ZCWPW2: variants seen among roughly 807,000 people sequenced by gnomAD.
The protein encoded by ZCWPW2 is zinc finger CW-type and PWWP domain containing 2, also known as zinc finger CW-type PWWP domain protein 2.
ZCWPW2 carries 45 observed loss-of-function variants against 46.6 expected under a neutral mutation model. The ratio of observed to expected loss-of-function variants is 0.96; its 90% CI spans 0.76 to 1.24. The LOEUF is 1.24. Among genes scored for constraint, ZCWPW2 ranks in the 50% most tolerant of loss-of-function variants. The pLI is 0.00. For missense variants in ZCWPW2, 429 were observed against 403.9 expected, an observed-to-expected ratio of 1.06 and a Z score of -0.53; for synonymous variants, 152 against 137.1, an observed-to-expected ratio of 1.11 and a Z score of -0.76.
At chr3:28,474,820 T>C in intron 4 of ZCWPW2, among the ~76,000 whole-genome samples, 1 of 151,028 alleles carries the variant, frequency 6.6e-6, no homozygotes, top group African/African-American at 2.4e-5. Flanking sequence ...GTTGTTGTTG[T>C]TGTTGTTGTT....
chr3:28,393,790 A>G (rs1312302177), intron 2 of ZCWPW2, among the ~76,000 whole-genome samples: 1 of 152,154 alleles, frequency 6.6e-6, no homozygotes, highest in Non-Finnish European at 1.5e-5. Flanking sequence ...ATGCACTTCA[A>G]CATCACAAAG....
At chr3:28,504,270 T>A (rs963770817) in intron 6 of ZCWPW2, among the ~76,000 whole-genome samples, 1 of 152,160 alleles carries the variant, frequency 6.6e-6, no homozygotes, top group African/African-American at 2.4e-5. Context: ...GAAATATTTA[T>A]ATTAGAGATA....
Position 28,381,024 on chromosome 3 carries a change from GGTATATATATATATATATATTTGGTGTA to G in ZCWPW2, c.-133-9473_-133-9446del, listed in dbSNP as rs1695072072. Among the ~76,000 whole-genome samples the G allele has an allele frequency of 1.5e-3, 4 of 2,630 alleles. 1 individual carries two copies. Among genetic ancestry groups the G allele is most frequent in the African/African-American group, 6.6e-3 (4 of 610 alleles). 1.7% of individuals were successfully genotyped at this position (2,630 alleles called of 152,430 possible). On this transcript the variant is annotated intron_variant, in intron 1 of 9. Coordinates refer to ENST00000383768, the MANE Select transcript of ZCWPW2 (RefSeq NM_001040432.4). ...GGTATATATATATATATATATATTT[GGTATATATATATATATATATTTGGTGTA>G]TATATATATATATATATATATATAT...
At chr3:28,510,507 G>A (rs1039077266) in intron 6 of ZCWPW2, among the ~76,000 whole-genome samples, 10 of 152,024 alleles carry the variant, frequency 6.6e-5, no homozygotes, top group African/African-American at 1.9e-4. Flanking sequence ...ATAATGTTGA[G>A]CACTTAATTT....
intron 6 of ZCWPW2, 66 bp downstream of exon 6, chr3:28,492,239 G>C: frequency 7.4e-7 from 1 of 1,347,092 alleles, no homozygotes; most frequent in South Asian, 1.5e-5. Context: ...ATTCTTTAAA[G>C]AAAATTATAT....
chr3:28,366,494 C>G (rs1291546074), intron 1 of ZCWPW2, among the ~76,000 whole-genome samples: 1 of 125,718 alleles, frequency 8.0e-6, no homozygotes, highest in East Asian at 2.3e-4. Flanking sequence ...GGATGAAGCC[C>G]ACTTGATCAT....
chr3:28,494,605 G>A (rs1483606378), intron 6 of ZCWPW2, among the ~76,000 whole-genome samples: 2 of 150,000 alleles, frequency 1.3e-5, no homozygotes, highest in South Asian at 2.1e-4. Context: ...AGGAAATAAA[G>A]GGTATTCAAT....
At chr3:28,519,373 A>G (rs760294021) in intron 8 of ZCWPW2, among the ~76,000 whole-genome samples, 27 of 152,294 alleles carry the variant, frequency 1.8e-4, no homozygotes, top group Non-Finnish European at 3.1e-4. Flanking sequence ...TTGTTGATTG[A>G]GTATGAAAGT....
chr3:28,470,947 T>C (rs1699020440), intron 4 of ZCWPW2, among the ~76,000 whole-genome samples: 1 of 151,964 alleles, frequency 6.6e-6, no homozygotes, highest in Admixed American at 6.6e-5. Context: ...CTACAGAAAT[T>C]CAAAGGCTCA....
chr3:28,491,748 G>A (rs190464893), intron 5 of ZCWPW2, among the ~76,000 whole-genome samples: 4 of 152,092 alleles, frequency 2.6e-5, no homozygotes, highest in African/African-American at 9.6e-5. Flanking sequence ...CCCATGTCCA[G>A]CATATAATAG....
chr3:28,509,174 C>A (rs1349366175), intron 6 of ZCWPW2, among the ~76,000 whole-genome samples: 2 of 152,150 alleles, frequency 1.3e-5, no homozygotes, highest in East Asian at 3.8e-4. Context: ...AGTACTTCAT[C>A]ATTTTTAATG....
intron 2 of ZCWPW2, among the ~76,000 whole-genome samples, chr3:28,400,326 C>T (rs937052311): frequency 6.6e-6 from 1 of 152,032 alleles, no homozygotes; most frequent in African/African-American, 2.4e-5. Flanking sequence ...ATTGGTGTTC[C>T]TAAGGAAGAA....
At chr3:28,395,463 T>G (rs1695657605) in intron 2 of ZCWPW2, among the ~76,000 whole-genome samples, 1 of 152,186 alleles carries the variant, frequency 6.6e-6, no homozygotes. Flanking sequence ...CAATCCCATG[T>G]TAACTGCGGT....
intron 2 of ZCWPW2, among the ~76,000 whole-genome samples, chr3:28,398,743 C>T (rs1424164962): frequency 1.3e-5 from 2 of 152,064 alleles, no homozygotes; most frequent in African/African-American, 2.4e-5. Context: ...TTTATAGAGC[C>T]GAGTGAAATA....
intron 1 of ZCWPW2, among the ~76,000 whole-genome samples, chr3:28,356,014 T>C (rs1704716955): frequency 6.6e-6 from 1 of 152,098 alleles, no homozygotes; most frequent in South Asian, 2.1e-4. Flanking sequence ...CTAATTAAAC[T>C]AAAGAGCTTC....
intron 4 of ZCWPW2, among the ~76,000 whole-genome samples, chr3:28,454,227 A>C (rs1164601705): frequency 1.3e-5 from 2 of 152,150 alleles, no homozygotes; most frequent in African/African-American, 4.8e-5. Context: ...TACACATCAA[A>C]AGGAGTTTTA....
At chr3:28,397,520 C>T (rs1406673254) in intron 2 of ZCWPW2, among the ~76,000 whole-genome samples, 2 of 151,918 alleles carry the variant, frequency 1.3e-5, no homozygotes, top group African/African-American at 4.8e-5. Flanking sequence ...AAATCCAAAA[C>T]TTAACTGGGC....
chr3:28,481,796 A>G (rs1213821106), intron 5 of ZCWPW2, among the ~76,000 whole-genome samples: 1 of 152,154 alleles, frequency 6.6e-6, no homozygotes. Context: ...CCAACCACCT[A>G]AGTTTAGGAT....
intron 4 of ZCWPW2, 42 bp from the exon 5 acceptor site, chr3:28,478,772 T>G (rs887299392): frequency 9.3e-6 from 10 of 1,072,508 alleles, no homozygotes; most frequent in Middle Eastern, 3.2e-4. Flanking sequence ...CAAAGTTATA[T>G]ATTTAAAAAT....
Sources: gnomAD v4.1 joint callset for allele counts (sites outside exome capture counted in the v4.1 genomes callset) on GRCh38, gnomAD v4.1.1 for gene constraint, MANE v1.5 for transcripts, NCBI Gene and HGNC (gene_info 2026-07-23, HGNC 2026-07-21) for gene names.